The following PRKCB variants were observed in gnomAD, a reference collection of about 807,000 sequenced individuals.
PRKCB encodes the protein protein kinase C beta, also known as protein kinase C beta type.
Under a neutral mutation model 81.5 loss-of-function variants are expected in PRKCB, and 13 were observed. That is an observed-to-expected ratio of 0.16 (90% confidence interval 0.10 to 0.25). PRKCB has a LOEUF of 0.25. Ranked by LOEUF, PRKCB falls within the 10% of genes least tolerant of loss-of-function variation. PRKCB has a pLI of 1.00. For synonymous variants in PRKCB, 335 were observed against 321.4 expected (o/e 1.04, Z -0.45); for missense variants, 509 against 875.7 (o/e 0.58, Z 5.29).
rs1597206802 is a variant in PRKCB, at chr16:23,846,559, A to C, written c.205+9153A>C. On this transcript the variant is annotated intron_variant, in intron 2 of 16. Coordinates refer to ENST00000643927, the MANE Select transcript of PRKCB (RefSeq NM_002738.7). Reference sequence around the variant, plus strand: ...CGGGAGGCAGAGGTTGCAGTGAGCCAAGATTGCGCCACTGCACTCCAGCCT... The same window carrying C: ...CGGGAGGCAGAGGTTGCAGTGAGCCCAGATTGCGCCACTGCACTCCAGCCT... 2.1e-5 allele frequency among the ~76,000 whole-genome samples: 3 copies of C among 143,896 alleles called. No homozygotes were observed. In the East Asian group the frequency reaches 6.6e-4, roughly 32 times the overall value. 94.4% of individuals were successfully genotyped at this position (143,896 alleles called of 152,430 possible).
At chr16:23,873,204 A>AAAAGAT (rs1555480627) in intron 2 of PRKCB, among the ~76,000 whole-genome samples, 9 of 140,870 alleles carry the variant, frequency 6.4e-5, no homozygotes, top group East Asian at 2.2e-4. Flanking sequence ...AAAAAAAAAA[A>AAAAGAT]AAAAAGAAAA....
intron 1 of PRKCB, 122 bp downstream of exon 1, chr16:23,836,470 A>T: frequency 7.3e-7 from 1 of 1,374,180 alleles, no homozygotes; most frequent in Non-Finnish European, 9.7e-7. Flanking sequence ...GCGTCTCCGG[A>T]CTCCCGGCTC....
Position 24,036,434 on chromosome 16 carries a change from G to A in PRKCB, c.529+887G>A, listed in dbSNP as rs13338312. On this transcript the variant is annotated intron_variant, in intron 5 of 16. Coordinates refer to ENST00000643927, the MANE Select transcript of PRKCB (RefSeq NM_002738.7). ...TCAAAGGCTAGTGACAAACTACTGT[G>A]GACTTTATATATCTAATGAATATAA... is the stretch of plus-strand genomic sequence containing the variant. Among the ~76,000 whole-genome samples the A allele has an allele frequency of 3.6e-3, 550 of 152,152 alleles. 4 individuals carry two copies. Among genetic ancestry groups the A allele is most frequent in the African/African-American group, 0.013 (519 of 41,512 alleles).
At chr16:24,205,578 T>C (rs972166494) in intron 16 of PRKCB, among the ~76,000 whole-genome samples, 3 of 152,192 alleles carry the variant, frequency 2.0e-5, no homozygotes, top group African/African-American at 7.2e-5. Context: ...AAACCCATTT[T>C]CTCATTGCAC....
At chr16:24,036,407 T>C (rs569447661) in intron 5 of PRKCB, among the ~76,000 whole-genome samples, 1 of 152,284 alleles carries the variant, frequency 6.6e-6, no homozygotes, top group South Asian at 2.1e-4. Flanking sequence ...AGGAATTTCT[T>C]CTCAAAGGCT....
chr16:24,062,875 T>C (rs1965990449), intron 5 of PRKCB, among the ~76,000 whole-genome samples: 1 of 152,042 alleles, frequency 6.6e-6, no homozygotes, highest in Admixed American at 6.6e-5. Context: ...TGTGATCTTC[T>C]CTGTGGCTCA....
At chr16:24,049,385 C>A (rs149514899) in intron 5 of PRKCB, among the ~76,000 whole-genome samples, 2 of 143,498 alleles carry the variant, frequency 1.4e-5, no homozygotes, top group Non-Finnish European at 3.1e-5. Context: ...CCGGGACCTG[C>A]ACCCTTAACC....
intron 13 of PRKCB, among the ~76,000 whole-genome samples, chr16:24,183,036 T>G (rs1337017578): frequency 6.6e-6 from 1 of 151,924 alleles, no homozygotes; most frequent in South Asian, 2.1e-4. Flanking sequence ...TTTTTTGTAT[T>G]TTTTTAGTAG....
rs1331046844 is a variant in PRKCB, at chr16:24,216,380, C to T, written c.*1564C>T. 12 of 985,290 alleles carry T rather than the reference C, an allele frequency of 1.2e-5. No individual in the cohort carries two copies. Among genetic ancestry groups the T allele is most frequent in the East Asian group, 1.1e-4 (1 of 8,822 alleles). 61.0% of individuals were successfully genotyped at this position (985,290 alleles called of 1,614,324 possible). On this transcript the variant is annotated 3_prime_UTR_variant, in exon 17 of 17. Transcript: ENST00000643927. ...CTCCCTGAAGCCCAAGGAAACCCTT[C>T]GGTGGGAGAAATTTCATTTCTGTCT...
At position 24,062,108 on chromosome 16, in the gene PRKCB, T is replaced by G. The variant is rs969066139; in HGVS notation, c.529+26561T>G. On this transcript the variant is annotated intron_variant, in intron 5 of 16. Transcript: ENST00000643927. ...TTCCAGTATCTCATTACTAATTGTA[T>G]CAGTAAGCATTTGCTGTGTAACAAA... Among the ~76,000 whole-genome samples the G allele has an allele frequency of 3.9e-5, 6 of 152,302 alleles. No individual in the cohort carries two copies. In the East Asian group the frequency reaches 1.2e-3, roughly 29 times the overall value.
intron 2 of PRKCB, among the ~76,000 whole-genome samples, chr16:23,847,825 T>A (rs1234799822): frequency 6.6e-6 from 1 of 152,224 alleles, no homozygotes; most frequent in African/African-American, 2.4e-5. Flanking sequence ...CTTAAAGATC[T>A]TCCTGGTCTT....
intron 2 of PRKCB, among the ~76,000 whole-genome samples, chr16:23,937,298 T>C (rs954371065): frequency 6.6e-6 from 1 of 152,340 alleles, no homozygotes; most frequent in African/African-American, 2.4e-5. Flanking sequence ...TCTAAGGGAT[T>C]TGTTGTAGAA....
intron 15 of PRKCB, among the ~76,000 whole-genome samples, chr16:24,188,597 A>C (rs1967741542): frequency 6.6e-6 from 1 of 152,180 alleles, no homozygotes; most frequent in African/African-American, 2.4e-5. Flanking sequence ...TACTAAAAAA[A>C]AAAAATTAGT....
chr16:23,857,562 C>T (rs974762950), intron 2 of PRKCB, among the ~76,000 whole-genome samples: 4 of 152,134 alleles, frequency 2.6e-5, no homozygotes, highest in Non-Finnish European at 4.4e-5. Context: ...TGACAGCTGG[C>T]CTCTCTGTGT....
At chr16:24,200,527 A>C (rs377029583) in intron 16 of PRKCB, among the ~76,000 whole-genome samples, 1 of 152,284 alleles carries the variant, frequency 6.6e-6, no homozygotes, top group East Asian at 1.9e-4. Flanking sequence ...AATACCACAG[A>C]CTAGATAATT....
intron 16 of PRKCB, among the ~76,000 whole-genome samples, chr16:24,193,082 C>T (rs902827535): frequency 1.3e-5 from 2 of 152,056 alleles, no homozygotes; most frequent in Non-Finnish European, 2.9e-5. Flanking sequence ...ACCTCAGCCT[C>T]CTGAGTAGCT....
rs376717720 is a variant in PRKCB at position 24,190,720 on chromosome 16, T to C, written c.1723-370T>C. On this transcript the variant is annotated intron_variant, in intron 15 of 16. Transcript: ENST00000643927. The stretch of plus-strand genomic sequence containing the variant: ...TTTTAGTAGAGACAGGGTTTCACCA[T>C]GTTGGCCAGGATGGTCTCAATCTCT... Among the ~76,000 whole-genome samples, 7 of 152,224 alleles carry C rather than the reference T, an allele frequency of 4.6e-5. No homozygotes were observed. In the East Asian group the frequency reaches 1.4e-3, roughly 29 times the overall value.
chr16:23,918,401 ATTTT>A (rs772297307), intron 2 of PRKCB, among the ~76,000 whole-genome samples: 2 of 150,706 alleles, frequency 1.3e-5, no homozygotes, highest in Non-Finnish European at 3.0e-5. Flanking sequence ...TATTATTATT[ATTTT>A]TTTTTTTTTG....
intron 12 of PRKCB, among the ~76,000 whole-genome samples, chr16:24,176,348 A>G (rs1043446531): frequency 5.3e-5 from 8 of 152,052 alleles, no homozygotes; most frequent in African/African-American, 1.7e-4. Flanking sequence ...AGGAGTTCGA[A>G]ACTGCAGTGA....
Sources: gnomAD v4.1 joint callset for allele counts (sites outside exome capture counted in the v4.1 genomes callset) on GRCh38, gnomAD v4.1.1 for gene constraint, MANE v1.5 for transcripts, NCBI Gene and HGNC (gene_info 2026-07-23, HGNC 2026-07-21) for gene names.